Variants in ATP2A3 observed in about 807,000 individuals in gnomAD.
The protein encoded by ATP2A3 is sarcoplasmic/endoplasmic reticulum calcium ATPase 3.
In ATP2A3, 61 loss-of-function variants were observed where a neutral mutation model predicts 106.8. That is an observed-to-expected ratio of 0.57 (90% confidence interval 0.46 to 0.71). The LOEUF is 0.71. Among genes scored for constraint, ATP2A3 ranks in the 30% least tolerant of loss-of-function variants. The pLI, the probability that ATP2A3 is intolerant of heterozygous loss-of-function variation, is 0.00. For missense variants in ATP2A3, 1,201 were observed against 1,423.5 expected, an observed-to-expected ratio of 0.84 and a Z score of 2.52; for synonymous variants, 611 against 609.3, an observed-to-expected ratio of 1.00 and a Z score of -0.04.
chr17:3,928,081 G>C lies in ATP2A3; in HGVS notation c.2980+582C>G. 1 of 1,609,492 alleles carries C rather than the reference G, an allele frequency of 6.2e-7. No individual in the cohort carries two copies. The highest frequency in any genetic ancestry group is 8.5e-7 in the Non-Finnish European group (1 of 1,175,906). ...ACCCACTCTCAGAGCCCACCTGGCA[G>C]AGGCAGGTGGATGGACCCCATGTCC... On this transcript the variant is annotated intron_variant, in intron 20 of 20. Transcript: ENST00000397041. This position sits in a 1 kb window ranked among gnomAD's most constrained non-coding sequence, Gnocchi z 6.1.
Position 3,925,298 on chromosome 17 carries a change from A to T in ATP2A3, c.*124T>A. ...TGGCCATTCTGACCTCGGGCCTGTC[A>T]TTTATCCGGCGGGACCCGGTGGGCA... On this transcript the variant is annotated 3_prime_UTR_variant, in exon 21 of 21. Coordinates refer to ENST00000397041, the MANE Select transcript of ATP2A3 (RefSeq NM_005173.4). This position sits in a 1 kb window ranked among gnomAD's most constrained non-coding sequence, Gnocchi z 4.2. 1 of 1,556,778 alleles carries T rather than the reference A, an allele frequency of 6.4e-7. No homozygotes were observed. The highest frequency in any genetic ancestry group is 8.8e-7 in the Non-Finnish European group (1 of 1,137,590).
Position 3,942,736 on chromosome 17 carries a change from G to A in ATP2A3, c.1420-5C>T, listed in dbSNP as rs200639007. ...CCGCATCAGCTGCTTGATGACCTGCGGGGTCCAGGCAGGTCAGGGCATGAA... is the reference window on the plus strand; with the variant it reads ...CCGCATCAGCTGCTTGATGACCTGCAGGGTCCAGGCAGGTCAGGGCATGAA... On this transcript the variant is annotated splice_polypyrimidine_tract_variant and splice_region_variant and intron_variant, in intron 11 of 20. Coordinates refer to ENST00000397041, the MANE Select transcript of ATP2A3 (RefSeq NM_005173.4). 7.0e-4 allele frequency: 1,123 copies of A among 1,612,378 alleles called. 3 individuals carry two copies. Among genetic ancestry groups the A allele is most frequent in the South Asian group, 1.7e-3 (156 of 91,064 alleles).
At position 3,944,795 on chromosome 17, in the gene ATP2A3, T is replaced by A; in HGVS notation, c.1196A>T (p.Asp399Val). ...GAACTGGCCGCAGCGCACAGGCTGA[T>A]CCCCCTGCCGCCTGCGGAGCCGGGG... is the stretch of plus-strand genomic sequence containing the variant. ...YTPEGEVRQG[D>V]QPVRCGQFDG... The change falls in exon 10 of 21, where the codon GAT (aspartate) becomes GTT (valine). Residue 399 changes from aspartate (D) to valine (V), a missense_variant. This residue lies in a region of ATP2A3 where 935 missense variants were observed against 1,176.7 expected (regional missense o/e 0.79). Transcript: ENST00000397041. 6.2e-7 allele frequency: 1 copy of A among 1,610,594 alleles called. No homozygotes were observed. Among genetic ancestry groups the A allele is most frequent in the African/African-American group, 1.3e-5 (1 of 74,882 alleles).
Position 3,954,283 on chromosome 17 carries a change from C to T in ATP2A3, c.119-573G>A, listed in dbSNP as rs2054626397. 3.3e-5 allele frequency among the ~76,000 whole-genome samples: 5 copies of T among 152,062 alleles called. No homozygotes were observed. In the South Asian group the frequency reaches 1.0e-3, roughly 32 times the overall value. Reference sequence around the variant, plus strand: ...GCAGCTGGGCCGGCCTGCTGGGCCCCACCGCACAGCAGGGCTCCCCTGGAC... The same window carrying T: ...GCAGCTGGGCCGGCCTGCTGGGCCCTACCGCACAGCAGGGCTCCCCTGGAC... On this transcript the variant is annotated intron_variant, in intron 1 of 20. Coordinates refer to ENST00000397041, the MANE Select transcript of ATP2A3 (RefSeq NM_005173.4).
rs1232687904 is a variant in ATP2A3, at chr17:3,937,426, C to T, written c.2311G>A (p.Glu771Lys). The T allele has an allele frequency of 6.2e-7, 1 of 1,612,730 alleles. No homozygotes were observed. ...AAGGCCCGGCCTCACCAGACGACCT[C>T]GCCAACATTGGAGGAGATGAGGTAG... The part of the protein sequence containing the change: ...IRYLISSNVG[E>K]VVCIFLTAIL... Residue 771 changes from glutamate (E) to lysine (K), a missense_variant, in exon 15 of 21, where the codon GAG becomes AAG. Physicochemically the swap from Glu to Lys is moderately conservative, Grantham distance 56 (BLOSUM62 1). This residue lies in a region of ATP2A3 where 935 missense variants were observed against 1,176.7 expected (regional missense o/e 0.79). Transcript: ENST00000397041.
chr17:3,930,541 A>G lies in ATP2A3; in HGVS notation c.2611-107T>C, dbSNP rs2144259214. On this transcript the variant is annotated intron_variant, in intron 17 of 20. Coordinates refer to ENST00000397041, the MANE Select transcript of ATP2A3 (RefSeq NM_005173.4). The surrounding 1 kb of genome is among the most constrained non-coding windows in gnomAD (Gnocchi z 5.4). Reference sequence around the variant, plus strand: ...CCTTGGCCCACGCCTGGGCACAACCAGCACACAAAACACTGCCGTGGGGTG... The same window carrying G: ...CCTTGGCCCACGCCTGGGCACAACCGGCACACAAAACACTGCCGTGGGGTG... 2.2e-6 allele frequency: 3 copies of G among 1,356,346 alleles called. No homozygotes were observed. The highest frequency in any genetic ancestry group is 3.0e-6 in the Non-Finnish European group (3 of 1,014,326). The allele number at this position is 1,356,346 out of a possible 1,614,324, so 84.0% of individuals were successfully genotyped here. A position where few individuals can be genotyped will look rare whatever the true frequency, so the allele number is the denominator to read the frequency against.
chr17:3,949,127 CAAA>C (rs869265323), intron 7 of ATP2A3, among the ~76,000 whole-genome samples: 5 of 60,010 alleles, frequency 8.3e-5, no homozygotes, highest in Admixed American at 1.6e-4. Context: ...GACTCTGTCT[CAAA>C]AAAAAAAAAA....
intron 5 of ATP2A3, 125 bp from the exon 6 acceptor site, chr17:3,950,898 T>A: frequency 1.0e-6 from 1 of 969,260 alleles, no homozygotes. Context: ...ATCGCTCTGG[T>A]GACCCCTGCC....
At chr17:3,952,024 T>G (rs1002862430) in intron 3 of ATP2A3, among the ~76,000 whole-genome samples, 1 of 152,004 alleles carries the variant, frequency 6.6e-6, no homozygotes, top group Non-Finnish European at 1.5e-5. Context: ...GATCTTGGGG[T>G]CCCTCCCAGA....
At chr17:3,951,785 G>C in intron 3 of ATP2A3, 100 bp from the exon 4 acceptor site, 1 of 1,212,204 alleles carries the variant, frequency 8.2e-7, no homozygotes, top group African/African-American at 1.5e-5. Context: ...CCCTGCTTTG[G>C]GGAGATAGCA....
At chr17:3,937,739 G>C (rs2053532578) in intron 14 of ATP2A3, 103 bp from the exon 15 acceptor site, 1 of 1,179,640 alleles carries the variant, frequency 8.5e-7, no homozygotes. Flanking sequence ...TGTTCCAAAG[G>C]AAGCAGACAG....
rs1467603365 is a variant in ATP2A3 at position 3,953,680 on chromosome 17, G to C, written c.136+13C>G. On this transcript the variant is annotated intron_variant, in intron 2 of 20. Coordinates refer to ENST00000397041, the MANE Select transcript of ATP2A3 (RefSeq NM_005173.4). The surrounding 1 kb of genome is among the most constrained non-coding windows in gnomAD (Gnocchi z 5.1). Reference sequence around the variant, plus strand: ...GCCCGCGGCCTAGAGGTCCATCCCGGTGCCAGCCTCACCTTCCTCACTCGG... The same window carrying C: ...GCCCGCGGCCTAGAGGTCCATCCCGCTGCCAGCCTCACCTTCCTCACTCGG... 8 of 1,563,092 alleles carry C rather than the reference G, an allele frequency of 5.1e-6. No homozygotes were observed. The highest frequency in any genetic ancestry group is 1.7e-4 in the Middle Eastern group (1 of 6,034).
In ATP2A3 at chr17:3,936,275, G is replaced by C; in HGVS notation, c.2516C>G (p.Ala839Gly). ...GCTCAGGCCCCACTCACCTCCGATA[G>C]CCAGGTATCGGAAGAAGAGCCAGCC... is the stretch of plus-strand genomic sequence containing the variant. ...ISGWLFFRYL[A>G]IGVYVGLATV... The change falls in exon 16 of 21, where the codon GCT becomes GGT. Residue 839 changes from alanine to glycine, a missense_variant. Physicochemically the swap from Ala to Gly is moderately conservative, Grantham distance 60. This residue lies in a region of ATP2A3 where 935 missense variants were observed against 1,176.7 expected (regional missense o/e 0.79). Transcript: ENST00000397041. This position sits in a 1 kb window ranked among gnomAD's most constrained non-coding sequence, Gnocchi z 5.4. 1.2e-6 allele frequency: 2 copies of C among 1,613,924 alleles called. No individual in the cohort carries two copies. Among genetic ancestry groups the C allele is most frequent in the Non-Finnish European group, 1.7e-6 (2 of 1,179,966 alleles).
intron 14 of ATP2A3, among the ~76,000 whole-genome samples, chr17:3,940,040 T>TTG (rs1567693796): frequency 2.2e-5 from 2 of 93,018 alleles, no homozygotes; most frequent in African/African-American, 1.1e-4. Context: ...TCTTTTTTTT[T>TTG]TTGTTTTTTG....
rs1435931396 is a variant in ATP2A3 at position 3,953,304 on chromosome 17, G to C, written c.219+43C>G. ...ACTGCCCAGCCTGGCTCTCCCTCCA[G>C]GGCTACCGACTACCACAGGATGGCT... is the stretch of plus-strand genomic sequence containing the variant. On this transcript the variant is annotated intron_variant, in intron 3 of 20. Coordinates refer to ENST00000397041, the MANE Select transcript of ATP2A3 (RefSeq NM_005173.4). This position sits in a 1 kb window ranked among gnomAD's most constrained non-coding sequence, Gnocchi z 5.1. 1 of 1,601,438 alleles carries C rather than the reference G, an allele frequency of 6.2e-7. No homozygotes were observed. Among genetic ancestry groups the C allele is most frequent in the African/African-American group, 1.3e-5 (1 of 74,646 alleles).
rs925916423 is a variant in ATP2A3, at chr17:3,937,397, A to T, written c.2321+19T>A. 6.2e-7 allele frequency: 1 copy of T among 1,605,160 alleles called. No homozygotes were observed. Among genetic ancestry groups the T allele is most frequent in the Admixed American group, 1.7e-5 (1 of 59,234 alleles). ...AGAGCGGATTGAGAGGGCTGAGAGG[A>T]GGGAAGGCCCGGCCTCACCAGACGA... On this transcript the variant is annotated intron_variant, in intron 15 of 20. Transcript: ENST00000397041.
chr17:3,937,363 CAG>C, intron 15 of ATP2A3, 51 bp downstream of exon 15: 5 of 1,577,888 alleles, frequency 3.2e-6, no homozygotes, highest in Non-Finnish European at 4.3e-6. Flanking sequence ...TTCCCCATCT[CAG>C]GGGCACAGAG....
intron 10 of ATP2A3, among the ~76,000 whole-genome samples, chr17:3,944,097 T>A (rs2053946623): frequency 6.6e-6 from 1 of 152,108 alleles, no homozygotes; most frequent in Non-Finnish European, 1.5e-5. Flanking sequence ...CAGCCAGGGC[T>A]CAGCCCGCAT....
rs867716241 is a variant in ATP2A3 at position 3,964,211 on chromosome 17, C to T, written c.81G>A (p.Ala27=). The change falls in exon 1 of 21, where the codon GCG becomes GCA. Residue 27 remains alanine, a synonymous_variant. Transcript: ENST00000397041. ...SVTAEGGLSP[A]QVTGARERYG... is the part of the protein sequence containing the mutation. The stretch of plus-strand genomic sequence containing the variant: ...AGCGCTCCCGCGCGCCGGTCACCTG[C>T]GCCGGGCTCAGGCCGCCCTCGGCTG... The T allele has an allele frequency of 7.1e-6, 9 of 1,266,816 alleles. No homozygotes were observed. Among genetic ancestry groups the T allele is most frequent in the Middle Eastern group, 3.1e-4 (1 of 3,184 alleles). 78.5% of individuals were successfully genotyped at this position (1,266,816 alleles called of 1,614,324 possible). A position where few individuals can be genotyped will look rare whatever the true frequency, so the allele number is the denominator to read the frequency against.
Sources: gnomAD v4.1 joint callset for allele counts (sites outside exome capture counted in the v4.1 genomes callset) on GRCh38, gnomAD v4.1.1 for gene constraint, gnomAD v4.1.1 regional missense constraint, Gnocchi (gnomAD v3.1) non-coding constraint, MANE v1.5 for transcripts, NCBI Gene and HGNC (gene_info 2026-07-23, HGNC 2026-07-21) for gene names.